C16orf95: variants seen among roughly 807,000 people sequenced by gnomAD.
C16orf95 encodes uncharacterized protein C16orf95.
In C16orf95, 41 loss-of-function variants were observed where a neutral mutation model predicts 32.1. The observed-to-expected ratio is 1.28, with a 90% CI of 1.00 to 1.66. C16orf95 has a LOEUF of 1.66. Ranked by LOEUF, C16orf95 falls within the 40% of genes most tolerant of loss-of-function variation. C16orf95 has a pLI of 0.00. For synonymous variants in C16orf95, 147 were observed against 128.9 expected (o/e 1.14, Z -0.95); for missense variants, 399 against 325.9 (o/e 1.22, Z -1.73).
chr16:87,310,728 GC>G (rs1346537457), intron 4 of C16orf95, among the ~76,000 whole-genome samples: 2 of 152,178 alleles, frequency 1.3e-5, no homozygotes, highest in Non-Finnish European at 2.9e-5. Flanking sequence ...CTCCCTCCAT[GC>G]AGCCAGGGCC....
In C16orf95 at chr16:87,305,862, G is replaced by C; in HGVS notation, c.558C>G (p.Ile186Met). 1.4e-6 allele frequency: 2 copies of C among 1,453,308 alleles called. No homozygotes were observed. The highest frequency in any genetic ancestry group is 1.8e-6 in the Non-Finnish European group (2 of 1,107,430). The allele number at this position is 1,453,308 out of a possible 1,614,324, so 90.0% of individuals were successfully genotyped here. Residue 186 changes from isoleucine (I) to methionine (M), a missense_variant, in exon 6 of 7, where the codon ATC becomes ATG. Transcript: ENST00000567970. This position sits in a 1 kb window ranked among gnomAD's most constrained non-coding sequence, Gnocchi z 4.2. ...DACCWHNCWRICGDECLLSKF... is the reference protein window; with the variant it reads ...DACCWHNCWRMCGDECLLSKF... Reference sequence around the variant, plus strand: ...TGGACAACAGGCACTCATCACCGCAGATCCGCCAGCAGTTGTGCCAGCAGC... The same window carrying C: ...TGGACAACAGGCACTCATCACCGCACATCCGCCAGCAGTTGTGCCAGCAGC...
intron 2 of C16orf95, 132 bp from the exon 3 acceptor site, chr16:87,315,228 G>T: frequency 2.1e-6 from 2 of 954,272 alleles, no homozygotes; most frequent in South Asian, 1.8e-5. Flanking sequence ...TCCTACTGCA[G>T]CTTGGAAAGA....
intron 3 of C16orf95, among the ~76,000 whole-genome samples, chr16:87,312,449 A>C (rs950201002): frequency 1.3e-5 from 2 of 151,884 alleles, no homozygotes; most frequent in African/African-American, 4.8e-5. Flanking sequence ...GGCACCTGTA[A>C]TCTCAGCTAC....
chr16:87,311,186 G>A lies in C16orf95; in HGVS notation c.441C>T (p.Pro147=). The A allele has an allele frequency of 6.5e-7, 1 of 1,535,242 alleles. No homozygotes were observed. Among genetic ancestry groups the A allele is most frequent in the South Asian group, 1.2e-5 (1 of 83,970 alleles). ...ACCTCAGGACCTGGGGCACCCAGTA[G>A]GGCATCACTGCCTGGTCCCTAGGCA... The part of the protein sequence containing the change: ...LPMPRDQAVM[P]YWVPQVLRSQ... Residue 147 remains proline (P), a synonymous_variant, in exon 4 of 7, where the codon CCC becomes CCT. Coordinates refer to ENST00000567970, the MANE Select transcript of C16orf95 (RefSeq NM_001195124.3).
At chr16:87,304,691 C>G (rs1277209002) in intron 6 of C16orf95, among the ~76,000 whole-genome samples, 1 of 152,174 alleles carries the variant, frequency 6.6e-6, no homozygotes, top group Non-Finnish European at 1.5e-5. Flanking sequence ...ACAGCCTCAA[C>G]TGTGACTGCC....
chr16:87,309,399 T>TTTTTTTTTTTTTTTTTTTTTTG (rs1911179317), intron 5 of C16orf95, among the ~76,000 whole-genome samples: 1 of 112,098 alleles, frequency 8.9e-6, no homozygotes, highest in African/African-American at 2.9e-5. Context: ...TTTTTTTTTT[T>TTTTTTTTTTTTTTTTTTTTTTG]TGTAGACAGA....
intron 1 of C16orf95, 68 bp from the exon 2 acceptor site, chr16:87,315,891 C>A (rs557417781): frequency 4.3e-6 from 5 of 1,158,544 alleles, no homozygotes; most frequent in Non-Finnish European, 5.9e-6. Context: ...AGAGCACAGG[C>A]CTGGACCTGT....
chr16:87,317,021 A>T, intron 1 of C16orf95, 70 bp downstream of exon 1: 1 of 1,455,314 alleles, frequency 6.9e-7, no homozygotes, highest in Non-Finnish European at 9.1e-7. Flanking sequence ...TAGGTCATGG[A>T]GCAATGCCGG....
At chr16:87,303,755 G>C (rs150855817) in intron 6 of C16orf95, 1 of 152,550 alleles carries the variant, frequency 6.6e-6, no homozygotes, top group Non-Finnish European at 1.5e-5. Flanking sequence ...TCAGGGGCTG[G>C]AAAACAGGAA....
In C16orf95 at chr16:87,305,315, A is replaced by G. The variant is rs1202822601; in HGVS notation, c.701+404T>C. 6.6e-6 allele frequency among the ~76,000 whole-genome samples: 1 copy of G among 152,136 alleles called. No homozygotes were observed. The highest frequency in any genetic ancestry group is 1.5e-5 in the Non-Finnish European group (1 of 68,004). On this transcript the variant is annotated intron_variant, in intron 6 of 6. Transcript: ENST00000567970. This position sits in a 1 kb window ranked among gnomAD's most constrained non-coding sequence, Gnocchi z 4.2. ...CTGGGGCTCAAGCTGGGGACAGGCAAGAGGTCCCCATACCTGAGGGGGTGC... is the reference window on the plus strand; with the variant it reads ...CTGGGGCTCAAGCTGGGGACAGGCAGGAGGTCCCCATACCTGAGGGGGTGC...
Position 87,305,978 on chromosome 16 carries a change from C to A in C16orf95, c.515-73G>T, listed in dbSNP as rs796470821. 2.6e-5 allele frequency: 31 copies of A among 1,208,176 alleles called. No individual in the cohort carries two copies. In the African/African-American group the frequency reaches 4.0e-4, roughly 16 times the overall value. The allele number at this position is 1,208,176 out of a possible 1,614,324, so 74.8% of individuals were successfully genotyped here. ...TCTGTGAGCCACGAGGAGGCTGCAA[C>A]ACCAGCCCCAGAGCCTCCGGGAAAT... On this transcript the variant is annotated intron_variant, in intron 5 of 6. Coordinates refer to ENST00000567970, the MANE Select transcript of C16orf95 (RefSeq NM_001195124.3). This position sits in a 1 kb window ranked among gnomAD's most constrained non-coding sequence, Gnocchi z 4.2.
chr16:87,308,733 A>G (rs1256151038), intron 5 of C16orf95, among the ~76,000 whole-genome samples: 1 of 152,202 alleles, frequency 6.6e-6, no homozygotes, highest in East Asian at 1.9e-4. Context: ...ACAATTCTTC[A>G]AAGAAATGTT....
chr16:87,311,188 G>C lies in C16orf95; in HGVS notation c.439C>G (p.Pro147Ala). Residue 147 changes from proline to alanine, a missense_variant, in exon 4 of 7, where the codon CCC (proline) becomes GCC (alanine). By Grantham distance (27) the Pro-to-Ala change is conservative. Transcript: ENST00000567970. ...CTCAGGACCTGGGGCACCCAGTAGG[G>C]CATCACTGCCTGGTCCCTAGGCATC... is the stretch of plus-strand genomic sequence containing the variant. Reference protein sequence around the residue: ...LPMPRDQAVMPYWVPQVLRSQ... With the variant: ...LPMPRDQAVMAYWVPQVLRSQ... 2 of 1,535,230 alleles carry C rather than the reference G, an allele frequency of 1.3e-6. No homozygotes were observed. The highest frequency in any genetic ancestry group is 2.4e-5 in the East Asian group (1 of 40,890).
intron 3 of C16orf95, among the ~76,000 whole-genome samples, chr16:87,313,043 T>C (rs1271054810): frequency 1.3e-5 from 2 of 152,052 alleles, no homozygotes; most frequent in Non-Finnish European, 2.9e-5. Context: ...AACATAGAAA[T>C]GTATCATGTT....
chr16:87,306,291 A>G (rs1911026860), intron 5 of C16orf95, among the ~76,000 whole-genome samples: 2 of 152,162 alleles, frequency 1.3e-5, no homozygotes, highest in Non-Finnish European at 2.9e-5. Flanking sequence ...ATTTAAGCCA[A>G]TCTCCACTTC....
In C16orf95 at chr16:87,303,036, C is replaced by T; in HGVS notation, c.*21G>A. The T allele has an allele frequency of 6.5e-7, 1 of 1,536,026 alleles. No individual in the cohort carries two copies. Among genetic ancestry groups the T allele is most frequent in the Non-Finnish European group, 8.7e-7 (1 of 1,146,796 alleles). The stretch of plus-strand genomic sequence containing the variant: ...GACACATTTTTGTGGCTGTTCTTGA[C>T]AGTAGCTGAAGATTCCAACTTCAAA... On this transcript the variant is annotated 3_prime_UTR_variant, in exon 7 of 7. Coordinates refer to ENST00000567970, the MANE Select transcript of C16orf95 (RefSeq NM_001195124.3).
Position 87,317,355 on chromosome 16 carries a change from C to A in C16orf95, c.-113G>T. The A allele has an allele frequency of 3.5e-6, 5 of 1,418,338 alleles. No individual in the cohort carries two copies. The highest frequency in any genetic ancestry group is 3.7e-6 in the Non-Finnish European group (4 of 1,088,164). 87.9% of individuals were successfully genotyped at this position (1,418,338 alleles called of 1,614,324 possible). A position where few individuals can be genotyped will look rare whatever the true frequency, so the allele number is the denominator to read the frequency against. ...GGAGGAACCCAACCCGAGCTCAACC[C>A]CAGCCCCAACCTCAACCGCTCAGAG... On this transcript the variant is annotated 5_prime_UTR_variant, in exon 1 of 7. Coordinates refer to ENST00000567970, the MANE Select transcript of C16orf95 (RefSeq NM_001195124.3).
intron 1 of C16orf95, among the ~76,000 whole-genome samples, chr16:87,316,195 C>G (rs1904329480): frequency 6.6e-6 from 1 of 152,218 alleles, no homozygotes; most frequent in African/African-American, 2.4e-5. Flanking sequence ...CTAGGATGAT[C>G]TGTCAGACAC....
chr16:87,309,887 GAATAT>G (rs1336444940), intron 5 of C16orf95, among the ~76,000 whole-genome samples: 1 of 152,124 alleles, frequency 6.6e-6, no homozygotes, highest in Non-Finnish European at 1.5e-5. Context: ...AATATGCCAT[GAATAT>G]ATGAATGTAT....
Sources: gnomAD v4.1 joint callset for allele counts (sites outside exome capture counted in the v4.1 genomes callset) on GRCh38, gnomAD v4.1.1 for gene constraint, Gnocchi (gnomAD v3.1) non-coding constraint, MANE v1.5 for transcripts, NCBI Gene and HGNC (gene_info 2026-07-23, HGNC 2026-07-21) for gene names.